ARHGAP10: variants seen among roughly 807,000 people sequenced by gnomAD.
ARHGAP10 encodes Rho GTPase activating protein 10, also known as rho GTPase-activating protein 10.
A neutral mutation model predicts 108.6 loss-of-function variants in ARHGAP10; 87 were observed. The ratio of observed to expected loss-of-function variants is 0.80; its 90% confidence interval spans 0.67 to 0.96. The LOEUF (loss-of-function observed/expected upper bound fraction) is 0.96. ARHGAP10 is among the 40% of genes least tolerant of loss of function. The pLI, the probability that ARHGAP10 is intolerant of heterozygous loss-of-function variation, is 0.00. For synonymous variants in ARHGAP10, 347 were observed against 341.1 expected (o/e 1.02, Z -0.19); for missense variants, 939 against 954.5 (o/e 0.98, Z 0.21).
chr4:147,928,773 A>G (rs1396043299), intron 13 of ARHGAP10, among the ~76,000 whole-genome samples: 1 of 152,196 alleles, frequency 6.6e-6, no homozygotes. Context: ...TGGTTAGGAC[A>G]TTTATATGTA....
intron 1 of ARHGAP10, among the ~76,000 whole-genome samples, chr4:147,739,932 C>T (rs1307537293): frequency 6.6e-6 from 1 of 151,882 alleles, no homozygotes; most frequent in Admixed American, 6.6e-5. Context: ...GATGGGGTTT[C>T]ACCACATTGG....
At position 147,762,036 on chromosome 4, in the gene ARHGAP10, C is replaced by T. The variant is rs149041042; in HGVS notation, c.154+29581C>T. The stretch of plus-strand genomic sequence containing the variant: ...TTATTTTTATTTTTTGAGACAGAGT[C>T]TTGCTCTGTCACCCAGGCTGGAGTG... On this transcript the variant is annotated intron_variant, in intron 1 of 22. Transcript: ENST00000336498. 8.2e-3 allele frequency among the ~76,000 whole-genome samples: 1,249 copies of T among 152,298 alleles called. 13 individuals carry two copies. The highest frequency in any genetic ancestry group is 0.028 in the African/African-American group (1,175 of 41,566).
chr4:148,059,884 G>C (rs577933755), intron 20 of ARHGAP10, among the ~76,000 whole-genome samples: 1 of 152,094 alleles, frequency 6.6e-6, no homozygotes, highest in African/African-American at 2.4e-5. Context: ...AGGCAATGCA[G>C]CTTGGGCCAG....
intron 18 of ARHGAP10, among the ~76,000 whole-genome samples, chr4:147,967,421 A>T (rs1015052731): frequency 6.6e-6 from 1 of 152,144 alleles, no homozygotes; most frequent in Non-Finnish European, 1.5e-5. Context: ...GGAAGGGTAA[A>T]CTCTTCAAAT....
At chr4:147,774,891 C>G (rs1466981802) in intron 1 of ARHGAP10, among the ~76,000 whole-genome samples, 2 of 151,806 alleles carry the variant, frequency 1.3e-5, no homozygotes, top group African/African-American at 4.9e-5. Flanking sequence ...TTGCCACAGC[C>G]CTTTCCTCCT....
intron 4 of ARHGAP10, among the ~76,000 whole-genome samples, chr4:147,853,684 A>G (rs1033845930): frequency 2.6e-5 from 4 of 152,110 alleles, no homozygotes; most frequent in African/African-American, 9.7e-5. Context: ...CTACGTTCTT[A>G]CATATTGGTT....
At chr4:148,048,463 T>G (rs1055401581) in intron 20 of ARHGAP10, among the ~76,000 whole-genome samples, 1 of 152,246 alleles carries the variant, frequency 6.6e-6, no homozygotes, top group Non-Finnish European at 1.5e-5. Context: ...TGCTGAGGAT[T>G]GTGGATTTAA....
chr4:147,820,292 T>A (rs1732430905), intron 1 of ARHGAP10, among the ~76,000 whole-genome samples: 1 of 152,184 alleles, frequency 6.6e-6, no homozygotes, highest in Non-Finnish European at 1.5e-5. Flanking sequence ...TTTATTTATT[T>A]ACTTTATTAT....
At chr4:148,043,016 T>C (rs1198440408) in intron 19 of ARHGAP10, among the ~76,000 whole-genome samples, 2 of 152,282 alleles carry the variant, frequency 1.3e-5, no homozygotes, top group South Asian at 2.1e-4. Flanking sequence ...CTTTGTGTTC[T>C]CTAAGGCTTC....
At chr4:147,981,507 G>A (rs564830143) in intron 18 of ARHGAP10, among the ~76,000 whole-genome samples, 1 of 152,330 alleles carries the variant, frequency 6.6e-6, no homozygotes, top group East Asian at 1.9e-4. Flanking sequence ...AATGTTACAT[G>A]TGCAGATGAG....
chr4:147,779,408 T>A (rs1486401978), intron 1 of ARHGAP10, among the ~76,000 whole-genome samples: 2 of 152,104 alleles, frequency 1.3e-5, no homozygotes, highest in Non-Finnish European at 2.9e-5. Context: ...CATTGACAAA[T>A]TTTGATCAGG....
chr4:147,784,887 T>TTATAAAATATATATTATAAA (rs1560757149), intron 1 of ARHGAP10, among the ~76,000 whole-genome samples: 3 of 118,562 alleles, frequency 2.5e-5, no homozygotes, highest in African/African-American at 1.0e-4. Context: ...TATAAATATA[T>TTATAAAATATATATTATAAA]TATAAAATAT....
intron 1 of ARHGAP10, among the ~76,000 whole-genome samples, chr4:147,774,185 T>A (rs1195152166): frequency 6.6e-6 from 1 of 152,250 alleles, no homozygotes; most frequent in African/African-American, 2.4e-5. Flanking sequence ...TTGACTCTTA[T>A]TATCTTGGTA....
chr4:147,879,166 T>C (rs1256156628), intron 8 of ARHGAP10, 66 bp from the exon 9 acceptor site: 1 of 1,296,568 alleles, frequency 7.7e-7, no homozygotes. Context: ...TTTAGTAATG[T>C]GTTTATAGCT....
chr4:147,983,679 A>G (rs1042794837), intron 18 of ARHGAP10, among the ~76,000 whole-genome samples: 1 of 151,984 alleles, frequency 6.6e-6, no homozygotes, highest in Non-Finnish European at 1.5e-5. Context: ...TAACATAGCT[A>G]TGTCATCTTT....
chr4:147,858,865 T>A (rs1393320204), intron 5 of ARHGAP10, among the ~76,000 whole-genome samples: 1 of 152,254 alleles, frequency 6.6e-6, no homozygotes, highest in Non-Finnish European at 1.5e-5. Flanking sequence ...GTATTTCATT[T>A]TAAACTTTGC....
chr4:147,813,631 C>T (rs1269832871), intron 1 of ARHGAP10, among the ~76,000 whole-genome samples: 4 of 152,116 alleles, frequency 2.6e-5, no homozygotes, highest in South Asian at 2.1e-4. Context: ...GACAATTGCA[C>T]GCGACAGAGA....
intron 19 of ARHGAP10, among the ~76,000 whole-genome samples, chr4:148,032,459 A>G (rs930763854): frequency 6.6e-6 from 1 of 151,096 alleles, no homozygotes; most frequent in Non-Finnish European, 1.5e-5. Context: ...GTTATTAGCA[A>G]GTCTGTACCT....
chr4:147,964,398 C>G (rs1339916350), intron 16 of ARHGAP10, among the ~76,000 whole-genome samples: 1 of 152,190 alleles, frequency 6.6e-6, no homozygotes, highest in African/African-American at 2.4e-5. Flanking sequence ...GCCTCTTGAT[C>G]GACGCTGGTG....
Sources: allele counts gnomAD v4.1 joint callset (sites outside exome capture counted in the v4.1 genomes callset), GRCh38; gene constraint gnomAD v4.1.1; transcripts MANE v1.5; gene names NCBI Gene and HGNC (gene_info 2026-07-23, HGNC 2026-07-21).